The following ATXN1 variants were observed in gnomAD, a reference collection of about 807,000 sequenced individuals.
ATXN1 encodes ataxin 1, also known as ataxin-1.
Under a neutral mutation model 56.4 loss-of-function variants are expected in ATXN1, and 8 were observed. The observed-to-expected ratio is 0.14, with a 90% CI of 0.08 to 0.26. The LOEUF is 0.26. Ranked by LOEUF, ATXN1 falls within the 10% of genes least tolerant of loss-of-function variation. ATXN1 has a pLI of 1.00. For synonymous variants in ATXN1, 514 were observed against 494.6 expected, an observed-to-expected ratio of 1.04 and a Z score of -0.52; for missense variants, 987 against 1,106.5, an observed-to-expected ratio of 0.89 and a Z score of 1.53.
At chr6:16,461,976 C>G (rs564505504) in intron 6 of ATXN1, among the ~76,000 whole-genome samples, 1 of 152,186 alleles carries the variant, frequency 6.6e-6, no homozygotes, top group Non-Finnish European at 1.5e-5. Flanking sequence ...TATGGATGAC[C>G]TTTTCTCACA....
At chr6:16,398,676 A>T (rs1390641494) in intron 6 of ATXN1, among the ~76,000 whole-genome samples, 1 of 152,200 alleles carries the variant, frequency 6.6e-6, no homozygotes, top group Non-Finnish European at 1.5e-5. Context: ...AGAAGAAAAA[A>T]ATCCCTGCCT....
chr6:16,418,947 T>C (rs72823517), intron 6 of ATXN1, among the ~76,000 whole-genome samples: 10,123 of 152,144 alleles, frequency 0.067, 405 homozygotes, highest in South Asian at 0.15. Context: ...CAGGCCTCGA[T>C]ATGCCCACAG....
intron 1 of ATXN1, 84 bp downstream of exon 1, chr6:16,761,214 G>C (rs1231207409): frequency 2.6e-6 from 1 of 391,552 alleles, no homozygotes; most frequent in African/African-American, 2.1e-5. Context: ...GATCGGGGGA[G>C]GAGGGATTTT....
intron 6 of ATXN1, among the ~76,000 whole-genome samples, chr6:16,360,557 G>A (rs1185871637): frequency 6.6e-6 from 1 of 152,096 alleles, no homozygotes; most frequent in East Asian, 1.9e-4. Flanking sequence ...TCAGAGCCAG[G>A]GAACATGACT....
At chr6:16,515,554 C>A (rs1761165935) in intron 5 of ATXN1, among the ~76,000 whole-genome samples, 1 of 152,156 alleles carries the variant, frequency 6.6e-6, no homozygotes, top group Admixed American at 6.5e-5. Flanking sequence ...GTTGAGGGGT[C>A]CCCATTCTTT....
At chr6:16,696,590 G>A (rs1191867569) in intron 2 of ATXN1, among the ~76,000 whole-genome samples, 1 of 152,026 alleles carries the variant, frequency 6.6e-6, no homozygotes, top group Non-Finnish European at 1.5e-5. Flanking sequence ...AGTTATTTCA[G>A]GAGTCTACAA....
chr6:16,401,294 T>C (rs1177538889), intron 6 of ATXN1, among the ~76,000 whole-genome samples: 6 of 152,174 alleles, frequency 3.9e-5, no homozygotes, highest in Admixed American at 1.3e-4. Flanking sequence ...CATAAAAGAT[T>C]CAATGTGCCA....
chr6:16,516,946 T>C (rs2113690341), intron 5 of ATXN1, among the ~76,000 whole-genome samples: 1 of 152,380 alleles, frequency 6.6e-6, no homozygotes, highest in South Asian at 2.1e-4. Flanking sequence ...AATTTAGTTG[T>C]GAGCCTCGCA....
intron 2 of ATXN1, chr6:16,739,820 C>T: frequency 2.2e-6 from 1 of 456,752 alleles, no homozygotes; most frequent in South Asian, 1.5e-5. Flanking sequence ...CTGGCGAGTT[C>T]ATAAACACTT....
At chr6:16,486,782 C>T (rs945885355) in intron 5 of ATXN1, among the ~76,000 whole-genome samples, 4 of 151,930 alleles carry the variant, frequency 2.6e-5, no homozygotes, top group Non-Finnish European at 4.4e-5. Context: ...CATGCAGGAG[C>T]GTGGTTATTT....
chr6:16,739,995 G>A, intron 2 of ATXN1: 1 of 420,930 alleles, frequency 2.4e-6, no homozygotes, highest in South Asian at 1.7e-5. Flanking sequence ...TTGACTCCTG[G>A]GGGAAAAGCT....
At chr6:16,716,622 T>G (rs1489237324) in intron 2 of ATXN1, among the ~76,000 whole-genome samples, 3 of 152,206 alleles carry the variant, frequency 2.0e-5, no homozygotes, top group African/African-American at 7.2e-5. Flanking sequence ...AGGTATAGAC[T>G]ACAGTTGGCA....
At chr6:16,411,500 T>C (rs190864445) in intron 6 of ATXN1, among the ~76,000 whole-genome samples, 135 of 152,186 alleles carry the variant, frequency 8.9e-4, no homozygotes, top group Non-Finnish European at 1.1e-3. Flanking sequence ...ATTATATTAA[T>C]AGCAACATTG....
chr6:16,496,056 G>C (rs191936543), intron 5 of ATXN1, among the ~76,000 whole-genome samples: 22 of 152,142 alleles, frequency 1.4e-4, no homozygotes, highest in East Asian at 1.4e-3. Context: ...TGGTCTACTT[G>C]TTTTACTAAA....
At chr6:16,683,987 C>T (rs1758866978) in intron 2 of ATXN1, among the ~76,000 whole-genome samples, 1 of 152,292 alleles carries the variant, frequency 6.6e-6, no homozygotes, top group East Asian at 1.9e-4. Context: ...GGCATGCTGA[C>T]AGAAAATTGT....
At chr6:16,479,150 T>C (rs1409247832) in intron 6 of ATXN1, among the ~76,000 whole-genome samples, 1 of 152,248 alleles carries the variant, frequency 6.6e-6, no homozygotes, top group Non-Finnish European at 1.5e-5. Context: ...ATACCATTTA[T>C]GTTTCCATTT....
At chr6:16,672,331 A>G (rs1030354744) in intron 2 of ATXN1, among the ~76,000 whole-genome samples, 7 of 151,572 alleles carry the variant, frequency 4.6e-5, no homozygotes, top group Non-Finnish European at 1.0e-4. Flanking sequence ...ATACCACAGG[A>G]AAAAAAAAGG....
At chr6:16,347,088 G>T (rs531169236) in intron 6 of ATXN1, among the ~76,000 whole-genome samples, 1 of 152,228 alleles carries the variant, frequency 6.6e-6, no homozygotes, top group African/African-American at 2.4e-5. Flanking sequence ...GGCAGGGCTC[G>T]GGACCTGCAG....
At chr6:16,354,148 A>G (rs905555638) in intron 6 of ATXN1, among the ~76,000 whole-genome samples, 1 of 152,184 alleles carries the variant, frequency 6.6e-6, no homozygotes, top group Non-Finnish European at 1.5e-5. Context: ...ATGGTTGAGA[A>G]TCAGTGCAGT....
Sources: allele counts gnomAD v4.1 joint callset (sites outside exome capture counted in the v4.1 genomes callset), GRCh38; gene constraint gnomAD v4.1.1; transcripts MANE v1.5; gene names NCBI Gene and HGNC (gene_info 2026-07-23, HGNC 2026-07-21).